Variants in CCDC27 observed in about 807,000 individuals in gnomAD.
CCDC27 encodes coiled-coil domain containing 27, also known as coiled-coil domain-containing protein 27.
Under a neutral mutation model 80.3 loss-of-function variants are expected in CCDC27, and 80 were observed. The observed-to-expected ratio is 1.00, with a 90% CI of 0.83 to 1.20. The LOEUF is 1.20. Ranked by LOEUF, CCDC27 falls within the 50% of genes most tolerant of loss-of-function variation. The pLI is 0.00. For missense variants in CCDC27, 815 were observed against 809.4 expected, an observed-to-expected ratio of 1.01 and a Z score of -0.08; for synonymous variants, 342 against 334.3, an observed-to-expected ratio of 1.02 and a Z score of -0.25.
intron 8 of CCDC27, among the ~76,000 whole-genome samples, chr1:3,764,554 A>G (rs1643181617): frequency 6.6e-6 from 1 of 152,128 alleles, no homozygotes; most frequent in Admixed American, 6.5e-5. Context: ...TTCTATCACA[A>G]TCAATGTTGC....
Position 3,761,153 on chromosome 1 carries a change from C to A in CCDC27, c.712-128C>A. Reference sequence around the variant, plus strand: ...TTTACCGCAGTACCTATCTTGAAATCCCTGGGACCCTGGGGTTTTGGGGTA... The same window carrying A: ...TTTACCGCAGTACCTATCTTGAAATACCTGGGACCCTGGGGTTTTGGGGTA... On this transcript the variant is annotated intron_variant, in intron 4 of 11. Coordinates refer to ENST00000294600, the MANE Select transcript of CCDC27 (RefSeq NM_152492.3). This position sits in a 1 kb window ranked among gnomAD's most constrained non-coding sequence, Gnocchi z 5.0. 9.2e-7 allele frequency: 1 copy of A among 1,084,134 alleles called. No homozygotes were observed. Among genetic ancestry groups the A allele is most frequent in the Non-Finnish European group, 1.3e-6 (1 of 747,182 alleles). The allele number at this position is 1,084,134 out of a possible 1,614,324, so 67.2% of individuals were successfully genotyped here. A position where few individuals can be genotyped will look rare whatever the true frequency, so the allele number is the denominator to read the frequency against.
chr1:3,762,050 C>T (rs932434216), intron 5 of CCDC27, among the ~76,000 whole-genome samples: 6 of 152,110 alleles, frequency 3.9e-5, no homozygotes, highest in African/African-American at 9.7e-5. Flanking sequence ...GAGGACTGGA[C>T]GAGGCAGGTC....
At chr1:3,762,950 G>A (rs6699385) in intron 6 of CCDC27, 158 bp from the exon 7 acceptor site, 1 of 974,792 alleles carries the variant, frequency 1.0e-6, no homozygotes, top group South Asian at 1.8e-5. Flanking sequence ...CTGGGCCACT[G>A]TTGGTGACCT....
rs11805366 is a variant in CCDC27 at position 3,760,885 on chromosome 1, C to T, written c.712-396C>T. On this transcript the variant is annotated intron_variant, in intron 4 of 11. Transcript: ENST00000294600. This position sits in a 1 kb window ranked among gnomAD's most constrained non-coding sequence, Gnocchi z 4.3. ...GTTTGAGGAGCTCCCCGACAGGCCC[C>T]TAGGGAAGCTTGGAGGGTGTTGCCG... Among the ~76,000 whole-genome samples, 2,666 of 152,288 alleles carry T rather than the reference C, an allele frequency of 0.018. 75 individuals carry two copies. The highest frequency in any genetic ancestry group is 0.061 in the African/African-American group (2,514 of 41,548).
At chr1:3,762,774 T>A in intron 6 of CCDC27, 62 bp downstream of exon 6, 1 of 1,423,910 alleles carries the variant, frequency 7.0e-7, no homozygotes, top group Non-Finnish European at 9.6e-7. Flanking sequence ...CCACCTAGGC[T>A]GCTTAACTAA....
chr1:3,764,407 A>C (rs1402773294), intron 8 of CCDC27, among the ~76,000 whole-genome samples: 1 of 152,018 alleles, frequency 6.6e-6, no homozygotes, highest in Non-Finnish European at 1.5e-5. Context: ...CAAATCTCTA[A>C]ATAGCATGCT....
At position 3,769,077 on chromosome 1, in the gene CCDC27, C is replaced by T. The variant is rs1032370209; in HGVS notation, c.1744-706C>T. Among the ~76,000 whole-genome samples the T allele has an allele frequency of 1.1e-4, 16 of 152,284 alleles. No individual in the cohort carries two copies. Among genetic ancestry groups the T allele is most frequent in the Non-Finnish European group, 8.8e-5 (6 of 68,016 alleles). ...CCTCTGCGTCGTCAGGGTTTCTGGACGAGGAACTCGTGCTGAGCGTGCCGC... is the reference window on the plus strand; with the variant it reads ...CCTCTGCGTCGTCAGGGTTTCTGGATGAGGAACTCGTGCTGAGCGTGCCGC... On this transcript the variant is annotated intron_variant, in intron 10 of 11. Coordinates refer to ENST00000294600, the MANE Select transcript of CCDC27 (RefSeq NM_152492.3). The surrounding 1 kb of genome is among the most constrained non-coding windows in gnomAD (Gnocchi z 4.6).
rs1288003107 is a variant in CCDC27, at chr1:3,763,098, C to T, written c.955-10C>T. ...AGCCCTGCCCAGCCCCTGCCCTACC[C>T]ATCTTACAGATGCAGGAGGAGTCTG... On this transcript the variant is annotated splice_polypyrimidine_tract_variant and intron_variant, in intron 6 of 11. Coordinates refer to ENST00000294600, the MANE Select transcript of CCDC27 (RefSeq NM_152492.3). The surrounding 1 kb of genome is among the most constrained non-coding windows in gnomAD (Gnocchi z 7.5). The T allele has an allele frequency of 6.8e-7, 1 of 1,468,306 alleles. No individual in the cohort carries two copies. Among genetic ancestry groups the T allele is most frequent in the Non-Finnish European group, 9.0e-7 (1 of 1,108,662 alleles). The allele number at this position is 1,468,306 out of a possible 1,614,324, so 91.0% of individuals were successfully genotyped here. A position where few individuals can be genotyped will look rare whatever the true frequency, so the allele number is the denominator to read the frequency against.
intron 11 of CCDC27, among the ~76,000 whole-genome samples, chr1:3,770,369 G>C (rs1443613110): frequency 6.6e-6 from 1 of 152,204 alleles, no homozygotes; most frequent in Non-Finnish European, 1.5e-5. Context: ...CCTCGGAGAA[G>C]TAGAGGGGTG....
chr1:3,760,876 G>A lies in CCDC27; in HGVS notation c.712-405G>A, dbSNP rs570308519. On this transcript the variant is annotated intron_variant, in intron 4 of 11. Transcript: ENST00000294600. This position sits in a 1 kb window ranked among gnomAD's most constrained non-coding sequence, Gnocchi z 4.3. ...AGAACAAAAGTTTGAGGAGCTCCCC[G>A]ACAGGCCCCTAGGGAAGCTTGGAGG... is the stretch of plus-strand genomic sequence containing the variant. Among the ~76,000 whole-genome samples, 2 of 152,200 alleles carry A rather than the reference G, an allele frequency of 1.3e-5. No homozygotes were observed. The highest frequency in any genetic ancestry group is 6.5e-5 in the Admixed American group (1 of 15,282).
Position 3,763,596 on chromosome 1 carries a change from C to T in CCDC27, c.1322-110C>T, listed in dbSNP as rs948638530. 5 of 1,564,158 alleles carry T rather than the reference C, an allele frequency of 3.2e-6. No homozygotes were observed. The African/African-American group carries it at 5.4e-5, about 17-fold the overall frequency. On this transcript the variant is annotated intron_variant, in intron 7 of 11. Transcript: ENST00000294600. This position sits in a 1 kb window ranked among gnomAD's most constrained non-coding sequence, Gnocchi z 7.5. ...TGGAGCAGGGGCAGGTGTCGGCAGCCTCACCCAGGCTGGCAGAGCCCTCCC... is the reference window on the plus strand; with the variant it reads ...TGGAGCAGGGGCAGGTGTCGGCAGCTTCACCCAGGCTGGCAGAGCCCTCCC...
At chr1:3,758,591 ATTTG>A (rs1570705527) in intron 4 of CCDC27, among the ~76,000 whole-genome samples, 1 of 152,004 alleles carries the variant, frequency 6.6e-6, no homozygotes, top group Non-Finnish European at 1.5e-5. Context: ...TTATTTTTTA[ATTTG>A]TTTATTTAAT....
At chr1:3,771,210 GGTT>G (rs1643353862) in intron 11 of CCDC27, among the ~76,000 whole-genome samples, 188 bp from the exon 12 acceptor site, 1 of 152,188 alleles carries the variant, frequency 6.6e-6, no homozygotes, top group South Asian at 2.1e-4. Context: ...CAAAGCCGAG[GGTT>G]GTTTGTTTTT....
chr1:3,765,267 T>C (rs1181875), intron 8 of CCDC27, among the ~76,000 whole-genome samples: 23,572 of 152,134 alleles, frequency 0.15, 2,597 homozygotes, highest in East Asian at 0.56. Flanking sequence ...CTCTGGAAAG[T>C]TGTAAGATCC....
Position 3,754,202 on chromosome 1 carries a change from C to T in CCDC27, c.403C>T (p.Pro135Ser), listed in dbSNP as rs1264504558. The T allele has an allele frequency of 1.2e-5, 19 of 1,613,376 alleles. No individual in the cohort carries two copies. The East Asian group carries it at 3.8e-4, about 32-fold the overall frequency. Residue 135 changes from proline (P) to serine (S), a missense_variant, in exon 2 of 12, where the codon CCC (proline) becomes TCC (serine). Physicochemically the swap from Pro to Ser is moderately conservative, Grantham distance 74. Coordinates refer to ENST00000294600, the MANE Select transcript of CCDC27 (RefSeq NM_152492.3). ...RRVFPTHPDC[P>S]QFSTRATSMS... Reference sequence around the variant, plus strand: ...GGTCTTCCCCACGCATCCTGACTGCCCCCAGTTCAGCACCAGGGCCACATC... The same window carrying T: ...GGTCTTCCCCACGCATCCTGACTGCTCCCAGTTCAGCACCAGGGCCACATC...
At position 3,761,339 on chromosome 1, in the gene CCDC27, T is replaced by C. The variant is rs774740825; in HGVS notation, c.770T>C (p.Leu257Pro). The change falls in exon 5 of 12, where the codon CTG (leucine) becomes CCG (proline). Residue 257 changes from leucine to proline, a missense_variant. Leu to Pro is a moderately conservative substitution (Grantham distance 98, BLOSUM62 -3). Coordinates refer to ENST00000294600, the MANE Select transcript of CCDC27 (RefSeq NM_152492.3). The surrounding 1 kb of genome is among the most constrained non-coding windows in gnomAD (Gnocchi z 5.0). ...CAGAAGAAAGACGAGGAGATCCTGC[T>C]GCTCCAGGAGGAGAGGGAGGCCCTG... The part of the protein sequence containing the change: ...QVQKKDEEIL[L>P]LQEEREALKM... 4 of 1,614,170 alleles carry C rather than the reference T, an allele frequency of 2.5e-6. No homozygotes were observed. Among genetic ancestry groups the C allele is most frequent in the Non-Finnish European group, 3.4e-6 (4 of 1,180,026 alleles).
chr1:3,759,433 G>A (rs371573659), intron 4 of CCDC27, among the ~76,000 whole-genome samples: 79 of 152,344 alleles, frequency 5.2e-4, no homozygotes, highest in African/African-American at 1.7e-3. Context: ...CATTCCCGAC[G>A]TGGCTGCCTT....
chr1:3,761,010 T>A lies in CCDC27; in HGVS notation c.712-271T>A, dbSNP rs1570708357. Reference sequence around the variant, plus strand: ...TCCGAAAGGGAAGCTGCCTTGCAACTCCTCGGACGAGGATTTAGGATCTGT... The same window carrying A: ...TCCGAAAGGGAAGCTGCCTTGCAACACCTCGGACGAGGATTTAGGATCTGT... On this transcript the variant is annotated intron_variant, in intron 4 of 11. Coordinates refer to ENST00000294600, the MANE Select transcript of CCDC27 (RefSeq NM_152492.3). The surrounding 1 kb of genome is among the most constrained non-coding windows in gnomAD (Gnocchi z 5.0). 1.3e-5 allele frequency among the ~76,000 whole-genome samples: 2 copies of A among 152,250 alleles called. No individual in the cohort carries two copies. Among genetic ancestry groups the A allele is most frequent in the South Asian group, 4.1e-4 (2 of 4,826 alleles).
In CCDC27 at chr1:3,755,505, A is replaced by G. The variant is rs367634151; in HGVS notation, c.491A>G (p.Glu164Gly). Residue 164 changes from glutamate (E) to glycine (G), a missense_variant, in exon 3 of 12, where the codon GAG (glutamate) becomes GGG (glycine). Transcript: ENST00000294600. ...TCCGGAGAGATTGACAACAGCTCGG[A>G]GACCTGGAGAGGCACCCAGGACCTG... ...DLSGEIDNSS[E>G]TWRGTQDLFL... The G allele has an allele frequency of 1.2e-5, 19 of 1,614,062 alleles. No individual in the cohort carries two copies. The highest frequency in any genetic ancestry group is 2.7e-5 in the African/African-American group (2 of 74,944).
Sources: allele counts gnomAD v4.1 joint callset (sites outside exome capture counted in the v4.1 genomes callset), GRCh38; gene constraint gnomAD v4.1.1; non-coding constraint Gnocchi (gnomAD v3.1); transcripts MANE v1.5; gene names NCBI Gene and HGNC (gene_info 2026-07-23, HGNC 2026-07-21).